Variants in OSBPL8 observed in about 807,000 individuals in gnomAD.
OSBPL8 encodes the protein oxysterol binding protein like 8.
A neutral mutation model predicts 125.5 loss-of-function variants in OSBPL8; 59 were observed. That is an observed-to-expected ratio of 0.47 (90% confidence interval 0.38 to 0.58). The LOEUF (loss-of-function observed/expected upper bound fraction) is 0.58. Among genes scored for constraint, OSBPL8 ranks in the 20% least tolerant of loss-of-function variants. OSBPL8 has a pLI of 0.00. For synonymous variants in OSBPL8, 330 were observed against 338.9 expected (o/e 0.97, Z 0.29); for missense variants, 758 against 1,047.8 (o/e 0.72, Z 3.82).
Position 76,450,986 on chromosome 12 carries a change from C to G in OSBPL8, c.82G>C (p.Val28Leu), listed in dbSNP as rs1487232153. 2 of 1,612,272 alleles carry G rather than the reference C, an allele frequency of 1.2e-6. No homozygotes were observed. Among genetic ancestry groups the G allele is most frequent in the Non-Finnish European group, 1.7e-6 (2 of 1,179,360 alleles). ...TGAGATTCGTCACTGTTTGCTACAA[C>G]AGCTCAAGGAAAGAAGGGAAAAATA... ...DSKDVLGPST[V>L]VANSDESQLL... is the part of the protein sequence containing the mutation. Residue 28 changes from valine (V) to leucine (L), a missense_variant and splice_region_variant, in exon 4 of 24, where the codon GTT (valine) becomes CTT (leucine). Physicochemically the swap from Val to Leu is conservative, Grantham distance 32. Coordinates refer to ENST00000261183, the MANE Select transcript of OSBPL8 (RefSeq NM_020841.5).
chr12:76,415,433 A>C (rs1402458094), intron 4 of OSBPL8, among the ~76,000 whole-genome samples: 2 of 151,902 alleles, frequency 1.3e-5, no homozygotes, highest in East Asian at 1.9e-4. Flanking sequence ...TTTTTAGTAA[A>C]GACGGGGTTT....
intron 10 of OSBPL8, among the ~76,000 whole-genome samples, chr12:76,392,174 A>G (rs992445688): frequency 1.3e-5 from 2 of 152,334 alleles, no homozygotes; most frequent in African/African-American, 4.8e-5. Context: ...TACTAAAAAC[A>G]TGTTACTCTA....
intron 5 of OSBPL8, among the ~76,000 whole-genome samples, chr12:76,409,241 C>T (rs942156850): frequency 6.6e-6 from 1 of 152,180 alleles, no homozygotes; most frequent in Non-Finnish European, 1.5e-5. Flanking sequence ...CAATATAATT[C>T]TCTGACCTTG....
intron 4 of OSBPL8, among the ~76,000 whole-genome samples, chr12:76,424,244 A>G (rs35760961): frequency 0.49 from 74,994 of 151,932 alleles, 19,773 homozygotes; most frequent in African/African-American, 0.66. Flanking sequence ...CAGGTGATCC[A>G]CCCACCTTGG....
At chr12:76,398,575 A>C (rs1393985509) in intron 7 of OSBPL8, among the ~76,000 whole-genome samples, 1 of 152,200 alleles carries the variant, frequency 6.6e-6, no homozygotes, top group Admixed American at 6.5e-5. Flanking sequence ...TTCTATTTCC[A>C]TCATCTATTA....
chr12:76,379,608 T>C (rs944186627), intron 15 of OSBPL8, among the ~76,000 whole-genome samples: 1 of 152,206 alleles, frequency 6.6e-6, no homozygotes, highest in Non-Finnish European at 1.5e-5. Flanking sequence ...TCTGTACAGA[T>C]GGCATTATAG....
Position 76,355,777 on chromosome 12 carries a change from G to T in OSBPL8, c.*112C>A. The stretch of plus-strand genomic sequence containing the variant: ...CAATACCTCTACATTTATCTCCTAG[G>T]TTTTTTTGTTTTCGGAATATTGTGA... On this transcript the variant is annotated 3_prime_UTR_variant, in exon 24 of 24. Transcript: ENST00000261183. The T allele has an allele frequency of 8.3e-7, 1 of 1,201,118 alleles. No homozygotes were observed. The highest frequency in any genetic ancestry group is 1.1e-6 in the Non-Finnish European group (1 of 871,018). 74.4% of individuals were successfully genotyped at this position (1,201,118 alleles called of 1,614,324 possible).
At chr12:76,383,540 G>A (rs1007649497) in intron 15 of OSBPL8, among the ~76,000 whole-genome samples, 1 of 151,896 alleles carries the variant, frequency 6.6e-6, no homozygotes, top group Non-Finnish European at 1.5e-5. Flanking sequence ...CTCACCACAC[G>A]CTCAGGTAAC....
At chr12:76,408,144 A>T (rs1383689832) in intron 5 of OSBPL8, among the ~76,000 whole-genome samples, 6 of 74,300 alleles carry the variant, frequency 8.1e-5, no homozygotes, top group East Asian at 5.5e-4. Context: ...CTCATCTCTT[A>T]AAAAAAAAAA....
intron 1 of OSBPL8, among the ~76,000 whole-genome samples, chr12:76,501,154 G>C (rs34645304): frequency 0.056 from 8,562 of 152,022 alleles, 347 homozygotes; most frequent in Non-Finnish European, 0.088. Flanking sequence ...TAATACCTTT[G>C]GGTGCTTTAT....
chr12:76,467,190 T>C (rs1234623175), intron 2 of OSBPL8, among the ~76,000 whole-genome samples: 1 of 152,148 alleles, frequency 6.6e-6, no homozygotes, highest in East Asian at 1.9e-4. Flanking sequence ...CTGCTCTGGC[T>C]TCCCTTCTAT....
At chr12:76,372,365 T>C (rs1952653336) in intron 18 of OSBPL8, among the ~76,000 whole-genome samples, 1 of 152,066 alleles carries the variant, frequency 6.6e-6, no homozygotes, top group South Asian at 2.1e-4. Flanking sequence ...ATCATGCCCA[T>C]CTAATTTTTT....
intron 1 of OSBPL8, among the ~76,000 whole-genome samples, chr12:76,488,358 C>A (rs1821099607): frequency 1.3e-5 from 2 of 152,124 alleles, no homozygotes; most frequent in African/African-American, 4.8e-5. Context: ...CTGTATATTT[C>A]CATTTTTACC....
At chr12:76,488,815 A>C (rs1392936107) in intron 1 of OSBPL8, among the ~76,000 whole-genome samples, 1 of 152,228 alleles carries the variant, frequency 6.6e-6, no homozygotes, top group Non-Finnish European at 1.5e-5. Flanking sequence ...CTAAGTGTTC[A>C]AGTAAAAGGA....
intron 13 of OSBPL8, 60 bp downstream of exon 13, chr12:76,386,519 A>G: frequency 1.4e-6 from 2 of 1,463,488 alleles, no homozygotes; most frequent in South Asian, 2.6e-5. Context: ...TACAGATTAC[A>G]TAAAATATAA....
intron 1 of OSBPL8, among the ~76,000 whole-genome samples, chr12:76,553,265 T>C (rs946158298): frequency 5.3e-5 from 8 of 152,176 alleles, no homozygotes; most frequent in African/African-American, 1.9e-4. Context: ...TGACAAACTA[T>C]TCCTGCTAAT....
intron 4 of OSBPL8, among the ~76,000 whole-genome samples, chr12:76,428,072 T>C (rs17042290): frequency 0.17 from 26,423 of 152,010 alleles, 2,472 homozygotes; most frequent in Middle Eastern, 0.24. Flanking sequence ...AAAACACTGA[T>C]GTAAATGGTA....
At chr12:76,410,388 G>A (rs35236201) in intron 5 of OSBPL8, among the ~76,000 whole-genome samples, 176 bp downstream of exon 5, 74,428 of 151,842 alleles carry the variant, frequency 0.49, 19,439 homozygotes, top group African/African-American at 0.65. Flanking sequence ...TTTCTAAGTA[G>A]CCAACAATAC....
At chr12:76,482,822 C>G (rs1280818168) in intron 2 of OSBPL8, among the ~76,000 whole-genome samples, 3 of 152,146 alleles carry the variant, frequency 2.0e-5, no homozygotes, top group South Asian at 4.1e-4. Flanking sequence ...AAAGTATTCT[C>G]ATGTTGTGTG....
Sources: allele counts gnomAD v4.1 joint callset (sites outside exome capture counted in the v4.1 genomes callset), GRCh38; gene constraint gnomAD v4.1.1; transcripts MANE v1.5; gene names NCBI Gene and HGNC (gene_info 2026-07-23, HGNC 2026-07-21).